The following ITGAL variants were observed in gnomAD, a reference collection of about 807,000 sequenced individuals.
The protein encoded by ITGAL is integrin alpha-L.
ITGAL carries 68 observed loss-of-function variants against 138.4 expected under a neutral mutation model. The observed-to-expected ratio is 0.49, with a 90% CI of 0.40 to 0.60. The LOEUF is 0.60. Among genes scored for constraint, ITGAL ranks in the 20% least tolerant of loss-of-function variants. The probability of loss-of-function intolerance (pLI) is 0.00; values close to 1 mark genes in which losing one functional copy is unlikely to be tolerated. For missense variants in ITGAL, 1,256 were observed against 1,478.6 expected, an observed-to-expected ratio of 0.85 and a Z score of 2.47; for synonymous variants, 561 against 584.3, an observed-to-expected ratio of 0.96 and a Z score of 0.57.
At chr16:30,508,619 G>A (rs1048945149) in intron 21 of ITGAL, among the ~76,000 whole-genome samples, 15 of 152,088 alleles carry the variant, frequency 9.9e-5, no homozygotes, top group African/African-American at 1.4e-4. Flanking sequence ...GCTTAAGCCC[G>A]AGAGTTCGAG....
rs745684312 is a variant in ITGAL, at chr16:30,494,663, C to T, written c.1366-50C>T. The T allele has an allele frequency of 1.9e-6, 3 of 1,557,270 alleles. No individual in the cohort carries two copies. The African/African-American group carries it at 4.1e-5, about 21-fold the overall frequency. On this transcript the variant is annotated intron_variant, in intron 12 of 30. Transcript: ENST00000356798. This position sits in a 1 kb window ranked among gnomAD's most constrained non-coding sequence, Gnocchi z 4.2. Reference sequence around the variant, plus strand: ...CACGGTACAGGTATCTCCCTGCCAACCCCTGCTGTTCCCACAGGCGCTTCC... The same window carrying T: ...CACGGTACAGGTATCTCCCTGCCAATCCCTGCTGTTCCCACAGGCGCTTCC...
chr16:30,491,356 G>A (rs1222069672), intron 11 of ITGAL, among the ~76,000 whole-genome samples: 1 of 151,786 alleles, frequency 6.6e-6, no homozygotes, highest in African/African-American at 2.4e-5. Context: ...AGCCGAGATC[G>A]TACCACTGCA....
At position 30,510,407 on chromosome 16, in the gene ITGAL, C is replaced by T. The variant is rs773871697; in HGVS notation, c.2555C>T (p.Ser852Phe). The T allele has an allele frequency of 3.7e-6, 6 of 1,613,460 alleles. No homozygotes were observed. Among genetic ancestry groups the T allele is most frequent in the Non-Finnish European group, 5.1e-6 (6 of 1,179,384 alleles). The change falls in exon 22 of 31, where the codon TCC becomes TTC. Residue 852 changes from serine to phenylalanine, a missense_variant. This residue lies in a region of ITGAL where 867 missense variants were observed against 972.5 expected (regional missense o/e 0.89). Coordinates refer to ENST00000356798, the MANE Select transcript of ITGAL (RefSeq NM_002209.3). The part of the protein sequence containing the change: ...PVSCEELPEE[S>F]RLLSRALSCN... ...AGCTGCGAGGAGCTTCCTGAAGAGTCCAGGCTTCTGTCCAGGGCATTATCT... is the reference window on the plus strand; with the variant it reads ...AGCTGCGAGGAGCTTCCTGAAGAGTTCAGGCTTCTGTCCAGGGCATTATCT...
At chr16:30,520,518 G>T (rs1405865004) in intron 30 of ITGAL, among the ~76,000 whole-genome samples, 2 of 152,226 alleles carry the variant, frequency 1.3e-5, no homozygotes, top group Non-Finnish European at 2.9e-5. Context: ...TCCTGGGAGA[G>T]GAAAAGGAAG....
At chr16:30,478,340 AAAAG>A (rs1180426463) in intron 4 of ITGAL, among the ~76,000 whole-genome samples, 55 of 151,576 alleles carry the variant, frequency 3.6e-4, no homozygotes, top group African/African-American at 1.2e-3. Context: ...TCAAAAAAAA[AAAAG>A]AAAGAAAGAA....
intron 11 of ITGAL, among the ~76,000 whole-genome samples, chr16:30,493,185 C>T (rs938103752): frequency 3.2e-4 from 49 of 151,862 alleles, no homozygotes; most frequent in Non-Finnish European, 8.8e-5. Flanking sequence ...TGCACTTGGC[C>T]CAGACATGCT....
intron 9 of ITGAL, among the ~76,000 whole-genome samples, chr16:30,485,532 T>C (rs1040304053): frequency 3.3e-5 from 5 of 151,740 alleles, no homozygotes; most frequent in African/African-American, 1.2e-4. Context: ...TCTTTTCTTT[T>C]TTGCTTTTCT....
At chr16:30,513,212 G>T (rs2051115783) in intron 24 of ITGAL, among the ~76,000 whole-genome samples, 1 of 152,206 alleles carries the variant, frequency 6.6e-6, no homozygotes, top group Admixed American at 6.5e-5. Flanking sequence ...AGGCAAGGAG[G>T]GAGGAAGCAG....
intron 7 of ITGAL, 132 bp downstream of exon 7, chr16:30,481,716 G>A (rs879138352): frequency 1.3e-6 from 1 of 748,462 alleles, no homozygotes; most frequent in South Asian, 1.6e-5. Flanking sequence ...AATTGAAGTG[G>A]AACAATTTTA....
intron 18 of ITGAL, 137 bp from the exon 19 acceptor site, chr16:30,505,107 G>A: frequency 1.4e-6 from 1 of 697,678 alleles, no homozygotes; most frequent in Non-Finnish European, 2.2e-6. Context: ...GCCCTGGAAA[G>A]GCAGCTGGCT....
At chr16:30,492,093 T>G (rs9930280) in intron 11 of ITGAL, among the ~76,000 whole-genome samples, 45,781 of 151,934 alleles carry the variant, frequency 0.3, 8,732 homozygotes, top group East Asian at 0.61. Context: ...CTCAGAGGAT[T>G]CTTGCTGGTG....
intron 25 of ITGAL, among the ~76,000 whole-genome samples, chr16:30,515,337 C>T (rs978919992): frequency 1.3e-5 from 2 of 152,202 alleles, no homozygotes; most frequent in Non-Finnish European, 2.9e-5. Context: ...CAATTCCTCA[C>T]CTTCTTGCAA....
In ITGAL at chr16:30,479,648, CTTTTTTTTTTTTTTTT is replaced by C. The variant is rs59770529; in HGVS notation, c.576+201_576+216del. ...TAGGAGTCTCTCTAGTTCTCATTTC[CTTTTTTTTTTTTTTTT>C]TTTTTTTTTTTTTGAGATGGAGTTT... On this transcript the variant is annotated intron_variant, in intron 6 of 30. Coordinates refer to ENST00000356798, the MANE Select transcript of ITGAL (RefSeq NM_002209.3). Among the ~76,000 whole-genome samples the C allele has an allele frequency of 9.6e-5, 7 of 72,832 alleles. 1 individual carries two copies. The highest frequency in any genetic ancestry group is 2.8e-4 in the African/African-American group (5 of 17,978). The allele number at this position is 72,832 out of a possible 152,430, so 47.8% of individuals were successfully genotyped here. A position where few individuals can be genotyped will look rare whatever the true frequency, so the allele number is the denominator to read the frequency against.
chr16:30,513,099 G>A (rs903630702), intron 24 of ITGAL, among the ~76,000 whole-genome samples: 3 of 152,224 alleles, frequency 2.0e-5, no homozygotes, highest in East Asian at 1.9e-4. Context: ...GGAAGAGTTC[G>A]TGGAGAAAGT....
chr16:30,477,793 G>A (rs2050492350), intron 4 of ITGAL, among the ~76,000 whole-genome samples: 1 of 152,106 alleles, frequency 6.6e-6, no homozygotes, highest in South Asian at 2.1e-4. Flanking sequence ...GGCTGAGGTA[G>A]GAGAATCACC....
intron 17 of ITGAL, among the ~76,000 whole-genome samples, chr16:30,502,031 T>C (rs565777651): frequency 1.3e-5 from 2 of 151,934 alleles, no homozygotes; most frequent in African/African-American, 4.8e-5. Flanking sequence ...AGACTCTGTC[T>C]CCAAAACAAT....
Position 30,513,794 on chromosome 16 carries a change from T to A in ITGAL, c.2810T>A (p.Val937Asp). The A allele has an allele frequency of 6.2e-7, 1 of 1,613,826 alleles. No homozygotes were observed. The highest frequency in any genetic ancestry group is 1.1e-5 in the South Asian group (1 of 91,078). ...IQDQEDSTLY[V>D]SFTPKGPKIH... Reference sequence around the variant, plus strand: ...AGCCAAGAAGACTCCACACTCTATGTCAGTTTCACCCCCAAAGGCCCCAAG... The same window carrying A: ...AGCCAAGAAGACTCCACACTCTATGACAGTTTCACCCCCAAAGGCCCCAAG... Residue 937 changes from valine to aspartate, a missense_variant, in exon 25 of 31, where the codon GTC becomes GAC. By Grantham distance (152) the Val-to-Asp change is radical. Transcript: ENST00000356798.
Position 30,472,859 on chromosome 16 carries a change from G to A in ITGAL, c.22G>A (p.Val8Met), listed in dbSNP as rs748788135. The A allele has an allele frequency of 2.5e-6, 4 of 1,613,076 alleles. No individual in the cohort carries two copies. The Admixed American group carries it at 6.7e-5, about 27-fold the overall frequency. The change falls in exon 1 of 31, where the codon GTG (valine) becomes ATG (methionine). Residue 8 changes from valine (V) to methionine (M), a missense_variant. By Grantham distance (21) the Val-to-Met change is conservative (BLOSUM62 1). Coordinates refer to ENST00000356798, the MANE Select transcript of ITGAL (RefSeq NM_002209.3). Reference sequence around the variant, plus strand: ...AAGGATGAAGGATTCCTGCATCACTGTGATGGCCATGGCGCTGCTGTCTGG... The same window carrying A: ...AAGGATGAAGGATTCCTGCATCACTATGATGGCCATGGCGCTGCTGTCTGG... MKDSCIT[V>M]MAMALLSGFF... is the part of the protein sequence containing the mutation.
Position 30,494,548 on chromosome 16 carries a change from A to G in ITGAL, c.1366-165A>G, listed in dbSNP as rs2050772835. Reference sequence around the variant, plus strand: ...CTCCCTCTCTAGTTTAAGAAACTGAACCTCAAAGAGCCCACCTTGTCTTAA... The same window carrying G: ...CTCCCTCTCTAGTTTAAGAAACTGAGCCTCAAAGAGCCCACCTTGTCTTAA... On this transcript the variant is annotated intron_variant, in intron 12 of 30. Transcript: ENST00000356798. This position sits in a 1 kb window ranked among gnomAD's most constrained non-coding sequence, Gnocchi z 4.2. 6.6e-6 allele frequency among the ~76,000 whole-genome samples: 1 copy of G among 152,160 alleles called. No homozygotes were observed. Among genetic ancestry groups the G allele is most frequent in the Admixed American group, 6.6e-5 (1 of 15,260 alleles).
Sources: gnomAD v4.1 joint callset for allele counts (sites outside exome capture counted in the v4.1 genomes callset) on GRCh38, gnomAD v4.1.1 for gene constraint, gnomAD v4.1.1 regional missense constraint, Gnocchi (gnomAD v3.1) non-coding constraint, MANE v1.5 for transcripts, NCBI Gene and HGNC (gene_info 2026-07-23, HGNC 2026-07-21) for gene names.